CCDC81: variants seen among roughly 807,000 people sequenced by gnomAD.
The protein encoded by CCDC81 is coiled-coil domain-containing protein 81.
In CCDC81, 79 loss-of-function variants were observed where a neutral mutation model predicts 83.7. The ratio of observed to expected loss-of-function variants is 0.94; its 90% CI spans 0.79 to 1.14. The LOEUF is 1.14. CCDC81 is among the 50% of genes most tolerant of loss of function. CCDC81 has a pLI of 0.00. For missense variants in CCDC81, 791 were observed against 778.1 expected, an observed-to-expected ratio of 1.02 and a Z score of -0.20; for synonymous variants, 252 against 278.1, an observed-to-expected ratio of 0.91 and a Z score of 0.93.
At chr11:86,403,013 A>ATTTTTT (rs545083032) in intron 7 of CCDC81, among the ~76,000 whole-genome samples, 6 of 112,488 alleles carry the variant, frequency 5.3e-5, no homozygotes, top group Admixed American at 1.0e-4. Context: ...TAATTTTTTG[A>ATTTTTT]TTTTTTTTTT....
intron 1 of CCDC81, among the ~76,000 whole-genome samples, chr11:86,378,543 A>T (rs1222862588): frequency 6.6e-6 from 1 of 152,036 alleles, no homozygotes; most frequent in African/African-American, 2.4e-5. Context: ...TGCCAGCTGG[A>T]TCTGTTCATT....
At chr11:86,399,638 C>CT (rs1337204229) in intron 6 of CCDC81, among the ~76,000 whole-genome samples, 5 of 152,054 alleles carry the variant, frequency 3.3e-5, no homozygotes, top group African/African-American at 1.2e-4. Context: ...TCTAACATGC[C>CT]TGCCCTTCCC....
intron 1 of CCDC81, among the ~76,000 whole-genome samples, chr11:86,384,445 G>A (rs1948214590): frequency 6.6e-6 from 1 of 152,100 alleles, no homozygotes; most frequent in African/African-American, 2.4e-5. Flanking sequence ...TTTTATTAAT[G>A]GGTGAGTGAG....
intron 1 of CCDC81, among the ~76,000 whole-genome samples, chr11:86,385,225 T>C (rs1948225944): frequency 6.6e-6 from 1 of 152,086 alleles, no homozygotes; most frequent in Non-Finnish European, 1.5e-5. Context: ...CTGTCTCTAC[T>C]AAAAGTACAA....
At position 86,392,588 on chromosome 11, in the gene CCDC81, G is replaced by C; in HGVS notation, c.346G>C (p.Gly116Arg). The C allele has an allele frequency of 6.4e-7, 1 of 1,551,644 alleles. No homozygotes were observed. Among genetic ancestry groups the C allele is most frequent in the South Asian group, 1.2e-5 (1 of 84,058 alleles). Residue 116 changes from glycine (G) to arginine (R), a missense_variant, in exon 4 of 15, where the codon GGT becomes CGT. Physicochemically the swap from Gly to Arg is moderately radical, Grantham distance 125. Transcript: ENST00000445632. Reference sequence around the variant, plus strand: ...TAATTTTGTCATGATATCCCTGGAGGGTCCATTTAACAGAGATGTAGTGGA... The same window carrying C: ...TAATTTTGTCATGATATCCCTGGAGCGTCCATTTAACAGAGATGTAGTGGA... Reference protein sequence around the residue: ...PLNFVMISLEGPFNRDVVEGC... With the variant: ...PLNFVMISLERPFNRDVVEGC...
At chr11:86,397,480 A>C in intron 5 of CCDC81, 141 bp from the exon 6 acceptor site, 1 of 908,244 alleles carries the variant, frequency 1.1e-6, no homozygotes, top group Non-Finnish European at 1.6e-6. Flanking sequence ...TGTACTTAGC[A>C]CATCAGAGCA....
intron 1 of CCDC81, among the ~76,000 whole-genome samples, chr11:86,383,801 T>C (rs1948204717): frequency 6.6e-6 from 1 of 152,226 alleles, no homozygotes; most frequent in African/African-American, 2.4e-5. Context: ...TCCGATTGGA[T>C]TGCAGGGGCC....
chr11:86,411,357 G>A (rs190146950), intron 10 of CCDC81, among the ~76,000 whole-genome samples: 1 of 152,250 alleles, frequency 6.6e-6, no homozygotes, highest in African/African-American at 2.4e-5. Flanking sequence ...TTTTCTCCAT[G>A]GAAAAACCTT....
chr11:86,390,286 A>G (rs1948308468), intron 3 of CCDC81, among the ~76,000 whole-genome samples: 1 of 152,152 alleles, frequency 6.6e-6, no homozygotes, highest in South Asian at 2.1e-4. Flanking sequence ...CTGTTGGAAG[A>G]TATTTCAGGA....
At chr11:86,385,267 C>G (rs1487631502) in intron 1 of CCDC81, among the ~76,000 whole-genome samples, 2 of 152,126 alleles carry the variant, frequency 1.3e-5, no homozygotes, top group African/African-American at 4.8e-5. Context: ...CGCCTGTAAT[C>G]TCAGCTACTC....
At chr11:86,398,581 C>T (rs780256632) in intron 6 of CCDC81, among the ~76,000 whole-genome samples, 4 of 151,356 alleles carry the variant, frequency 2.6e-5, no homozygotes, top group Non-Finnish European at 5.9e-5. Flanking sequence ...GATGGAGTCT[C>T]GCTCTGTCAC....
Position 86,408,215 on chromosome 11 carries a change from G to A in CCDC81, c.1058G>A (p.Arg353Lys), listed in dbSNP as rs775123616. The change falls in exon 9 of 15, where the codon AGA (arginine) becomes AAA (lysine). Residue 353 changes from arginine (R) to lysine (K), a missense_variant. Arg to Lys is a conservative substitution (Grantham distance 26). Transcript: ENST00000445632. ...EERRREIEDE[R>K]LIQQYQMLKD... ...AGGAGGAGAGAGATAGAAGATGAGA[G>A]ACTCATACAGCAGTATCAGATGTTA... The A allele has an allele frequency of 6.2e-7, 1 of 1,612,536 alleles. No individual in the cohort carries two copies. Among genetic ancestry groups the A allele is most frequent in the Non-Finnish European group, 8.5e-7 (1 of 1,178,724 alleles).
intron 13 of CCDC81, among the ~76,000 whole-genome samples, chr11:86,415,560 C>T (rs1948707844): frequency 6.6e-6 from 1 of 152,186 alleles, no homozygotes. Context: ...TTAAAAACCT[C>T]TCTTGACACT....
At chr11:86,392,411 TA>T in intron 3 of CCDC81, 129 bp from the exon 4 acceptor site, 1 of 1,094,464 alleles carries the variant, frequency 9.1e-7, no homozygotes, top group Non-Finnish European at 1.3e-6. Flanking sequence ...TGGGTACAAC[TA>T]AAAGCTTCAT....
chr11:86,417,954 A>G (rs1565772437), intron 13 of CCDC81, among the ~76,000 whole-genome samples: 1 of 152,186 alleles, frequency 6.6e-6, no homozygotes, highest in South Asian at 2.1e-4. Context: ...ACTGACAGTT[A>G]CATTTCTAAG....
intron 1 of CCDC81, among the ~76,000 whole-genome samples, chr11:86,383,904 T>C (rs1948206100): frequency 3.9e-5 from 6 of 152,192 alleles, no homozygotes; most frequent in African/African-American, 1.2e-4. Flanking sequence ...TCTGCTCTTA[T>C]GTAATGTTAT....
intron 7 of CCDC81, among the ~76,000 whole-genome samples, chr11:86,406,044 T>C (rs564838123): frequency 6.6e-6 from 1 of 152,340 alleles, no homozygotes; most frequent in South Asian, 2.1e-4. Context: ...ATTACAGGTG[T>C]GGGCCGCCAT....
rs1461154410 is a variant in CCDC81 at position 86,407,700 on chromosome 11, A to C, written c.968A>C (p.Gln323Pro). ...TGCCAGGATCATAACAAGGCAGGAC[A>C]GGTACAGTGTTTCCAAACAAATAAG... ...PACQDHNKAGQEMCYVCLQRA... is the reference protein window; with the variant it reads ...PACQDHNKAGPEMCYVCLQRA... The change falls in exon 8 of 15, where the codon CAG becomes CCG. Residue 323 changes from glutamine to proline, a missense_variant and splice_region_variant. By Grantham distance (76) the Gln-to-Pro change is moderately conservative (BLOSUM62 -1). Coordinates refer to ENST00000445632, the MANE Select transcript of CCDC81 (RefSeq NM_001156474.2). The C allele has an allele frequency of 6.2e-7, 1 of 1,610,250 alleles. No homozygotes were observed. Among genetic ancestry groups the C allele is most frequent in the East Asian group, 2.2e-5 (1 of 44,794 alleles).
At chr11:86,385,309 C>T (rs902653825) in intron 1 of CCDC81, among the ~76,000 whole-genome samples, 6 of 151,976 alleles carry the variant, frequency 3.9e-5, no homozygotes, top group East Asian at 3.9e-4. Context: ...CGTTTGAACC[C>T]GGGAGGCGGA....
Sources: gnomAD v4.1 joint callset for allele counts (sites outside exome capture counted in the v4.1 genomes callset) on GRCh38, gnomAD v4.1.1 for gene constraint, MANE v1.5 for transcripts, NCBI Gene and HGNC (gene_info 2026-07-23, HGNC 2026-07-21) for gene names.